The following PDE3A variants were observed in gnomAD, a reference collection of about 807,000 sequenced individuals.
PDE3A encodes phosphodiesterase 3A.
A neutral mutation model predicts 98.3 loss-of-function variants in PDE3A; 43 were observed. The observed-to-expected ratio is 0.44, with a 90% CI of 0.34 to 0.56. The LOEUF is 0.56. Among genes scored for constraint, PDE3A ranks in the 20% least tolerant of loss-of-function variants. The pLI is 0.01. For missense variants in PDE3A, 1,427 were observed against 1,440.7 expected (o/e 0.99, Z 0.15); for synonymous variants, 663 against 567.9 (o/e 1.17, Z -2.38).
intron 2 of PDE3A, among the ~76,000 whole-genome samples, chr12:20,610,656 G>A (rs1181063249): frequency 6.6e-6 from 1 of 151,922 alleles, no homozygotes; most frequent in African/African-American, 2.4e-5. Context: ...AACATGGTAT[G>A]TATATATGCA....
intron 2 of PDE3A, among the ~76,000 whole-genome samples, chr12:20,601,475 A>AAAG (rs758683735): frequency 5.3e-5 from 8 of 152,220 alleles, no homozygotes; most frequent in Admixed American, 1.3e-4. Context: ...AAATGGCAGT[A>AAAG]AAGTTCCACA....
chr12:20,609,728 G>A (rs549779523), intron 2 of PDE3A, among the ~76,000 whole-genome samples: 1 of 151,968 alleles, frequency 6.6e-6, no homozygotes, highest in Admixed American at 6.6e-5. Context: ...AGGATAGAGA[G>A]CCCAGAAGTA....
At chr12:20,628,103 CTAAT>C (rs143140033) in intron 5 of PDE3A, among the ~76,000 whole-genome samples, 2,060 of 152,142 alleles carry the variant, frequency 0.014, 34 homozygotes, top group African/African-American at 0.047. Context: ...ATAAGAAAAA[CTAAT>C]TATGAGCTAT....
intron 2 of PDE3A, among the ~76,000 whole-genome samples, chr12:20,598,652 T>G (rs1178224853): frequency 1.3e-5 from 2 of 152,126 alleles, no homozygotes; most frequent in Non-Finnish European, 2.9e-5. Context: ...AACTCACAAG[T>G]GAATTATTCA....
At chr12:20,568,233 A>G (rs1942709433) in intron 2 of PDE3A, among the ~76,000 whole-genome samples, 1 of 151,946 alleles carries the variant, frequency 6.6e-6, no homozygotes, top group Non-Finnish European at 1.5e-5. Flanking sequence ...AAGCATTAAT[A>G]TTTACTTTTA....
At chr12:20,652,057 T>C (rs370210476) in intron 14 of PDE3A, among the ~76,000 whole-genome samples, 3,812 of 152,238 alleles carry the variant, frequency 0.025, 137 homozygotes, top group African/African-American at 0.086. Context: ...CTGAGAATGA[T>C]GGTTTCCAGT....
chr12:20,390,026 G>C (rs1943884304), intron 1 of PDE3A, among the ~76,000 whole-genome samples: 1 of 151,994 alleles, frequency 6.6e-6, no homozygotes, highest in Non-Finnish European at 1.5e-5. Flanking sequence ...ATGAGGTAGG[G>C]AAGGATTAAG....
chr12:20,670,039 A>G (rs200182497), intron 15 of PDE3A, among the ~76,000 whole-genome samples: 5 of 150,814 alleles, frequency 3.3e-5, no homozygotes, highest in African/African-American at 9.8e-5. Context: ...AAAGGCAGGG[A>G]TTGCAATCCT....
chr12:20,623,284 A>G (rs572097003), intron 5 of PDE3A, among the ~76,000 whole-genome samples: 15 of 135,130 alleles, frequency 1.1e-4, no homozygotes, highest in African/African-American at 4.1e-4. Context: ...AGCAGATAGA[A>G]GACAAAAAAT....
chr12:20,552,829 C>G lies in PDE3A; in HGVS notation c.961-3831C>G. 1 of 1,613,954 alleles carries G rather than the reference C, an allele frequency of 6.2e-7. No homozygotes were observed. The highest frequency in any genetic ancestry group is 1.7e-5 in the Admixed American group (1 of 60,022). On this transcript the variant is annotated intron_variant, in intron 1 of 15. Coordinates refer to ENST00000359062, the MANE Select transcript of PDE3A (RefSeq NM_000921.5). This position sits in a 1 kb window ranked among gnomAD's most constrained non-coding sequence, Gnocchi z 5.1. The stretch of plus-strand genomic sequence containing the variant: ...CTGCTGTCAGGAGCTGGTGTTCCGG[C>G]CCATCACGACCGTGTGCCAGCACAA...
chr12:20,568,779 T>A (rs965187066), intron 2 of PDE3A, among the ~76,000 whole-genome samples: 2 of 152,052 alleles, frequency 1.3e-5, no homozygotes, highest in Non-Finnish European at 2.9e-5. Context: ...TTAATAGATA[T>A]ATACTTCATT....
At chr12:20,626,482 TTTTTA>T (rs1944266881) in intron 5 of PDE3A, among the ~76,000 whole-genome samples, 1 of 152,100 alleles carries the variant, frequency 6.6e-6, no homozygotes. Flanking sequence ...AGTTACACTT[TTTTTA>T]TATTTATTTA....
chr12:20,553,074 C>T lies in PDE3A; in HGVS notation c.961-3586C>T. ...GTGTCGGAGGGCTCGTTCATCGGCACTGATTTTGTTCTTAGTGGGCTTAAC... is the reference window on the plus strand; with the variant it reads ...GTGTCGGAGGGCTCGTTCATCGGCATTGATTTTGTTCTTAGTGGGCTTAAC... On this transcript the variant is annotated intron_variant, in intron 1 of 15. Transcript: ENST00000359062. 4.0e-6 allele frequency: 4 copies of T among 993,832 alleles called. No individual in the cohort carries two copies. In the East Asian group the frequency reaches 1.1e-4, roughly 26 times the overall value. 61.6% of individuals were successfully genotyped at this position (993,832 alleles called of 1,614,324 possible).
intron 1 of PDE3A, among the ~76,000 whole-genome samples, chr12:20,454,262 A>G (rs1945116802): frequency 6.6e-6 from 1 of 152,120 alleles, no homozygotes; most frequent in Non-Finnish European, 1.5e-5. Flanking sequence ...CAGTGTACAC[A>G]TAGATTATTT....
chr12:20,543,443 C>T (rs1182287208), intron 1 of PDE3A, among the ~76,000 whole-genome samples: 1 of 151,890 alleles, frequency 6.6e-6, no homozygotes, highest in Non-Finnish European at 1.5e-5. Context: ...CAAAGAGTAG[C>T]CTTTTGCTAC....
At chr12:20,668,457 G>C (rs1238665247) in intron 15 of PDE3A, among the ~76,000 whole-genome samples, 1 of 152,102 alleles carries the variant, frequency 6.6e-6, no homozygotes, top group East Asian at 1.9e-4. Context: ...CTGTCTGACA[G>C]CTTTGAAGAG....
intron 7 of PDE3A, among the ~76,000 whole-genome samples, chr12:20,634,432 C>T (rs1362806500): frequency 2.6e-5 from 4 of 152,054 alleles, no homozygotes; most frequent in Non-Finnish European, 5.9e-5. Flanking sequence ...CACAGGATTC[C>T]AAGAAATAGG....
At chr12:20,483,154 G>A (rs998254093) in intron 1 of PDE3A, among the ~76,000 whole-genome samples, 1 of 152,086 alleles carries the variant, frequency 6.6e-6, no homozygotes, top group Non-Finnish European at 1.5e-5. Context: ...ACTTTGGGAG[G>A]CCGAGGTGGG....
intron 1 of PDE3A, among the ~76,000 whole-genome samples, chr12:20,483,154 G>C (rs998254093): frequency 1.3e-5 from 2 of 152,086 alleles, no homozygotes; most frequent in African/African-American, 4.8e-5. Flanking sequence ...ACTTTGGGAG[G>C]CCGAGGTGGG....
Sources: gnomAD v4.1 joint callset for allele counts (sites outside exome capture counted in the v4.1 genomes callset) on GRCh38, gnomAD v4.1.1 for gene constraint, Gnocchi (gnomAD v3.1) non-coding constraint, MANE v1.5 for transcripts, NCBI Gene and HGNC (gene_info 2026-07-23, HGNC 2026-07-21) for gene names.